RABGEF1: variants seen among roughly 807,000 people sequenced by gnomAD.
The protein encoded by RABGEF1 is rab5 GDP/GTP exchange factor.
RABGEF1 carries 26 observed loss-of-function variants against 57.3 expected under a neutral mutation model. That is an observed-to-expected ratio of 0.45 (90% CI 0.33 to 0.63). The LOEUF is 0.63. RABGEF1 is among the 20% of genes least tolerant of loss of function. The pLI is 0.02. For synonymous variants in RABGEF1, 185 were observed against 210.7 expected, an observed-to-expected ratio of 0.88 and a Z score of 1.06; for missense variants, 464 against 607.6, an observed-to-expected ratio of 0.76 and a Z score of 2.48.
chr7:66,804,266 A>G (rs761903272), intron 7 of RABGEF1, among the ~76,000 whole-genome samples: 46 of 152,250 alleles, frequency 3.0e-4, no homozygotes, highest in Non-Finnish European at 4.3e-4. Context: ...GTATTCTCAC[A>G]TTCAATACAA....
At chr7:66,778,098 C>T (rs1469234358) in intron 3 of RABGEF1, among the ~76,000 whole-genome samples, 1 of 152,068 alleles carries the variant, frequency 6.6e-6, no homozygotes, top group Non-Finnish European at 1.5e-5. Flanking sequence ...TTTTGTTTGG[C>T]CATTGTGTTT....
At chr7:66,673,332 G>A in the RABGEF1 span, among the ~76,000 whole-genome samples, 3 of 151,768 alleles carry the variant, frequency 2.0e-5, no homozygotes, top group Admixed American at 2.0e-4. Context: ...CTCAATCTGG[G>A]GTCGTTCCCC....
At chr7:66,703,304 ACCT>A (rs1793565625) in intron 1 of RABGEF1, among the ~76,000 whole-genome samples, 1 of 152,016 alleles carries the variant, frequency 6.6e-6, no homozygotes, top group East Asian at 1.9e-4. Flanking sequence ...ATGAAGTTCA[ACCT>A]ATCTATTTTT....
upstream of RABGEF1, among the ~76,000 whole-genome samples, chr7:66,680,762 T>C (rs1295133432): frequency 6.6e-6 from 1 of 151,842 alleles, no homozygotes; most frequent in Non-Finnish European, 1.5e-5. Context: ...GACTGGCCAA[T>C]ATGATGAAAC....
intron 1 of RABGEF1, among the ~76,000 whole-genome samples, chr7:66,705,649 C>T (rs1326405760): frequency 6.6e-6 from 1 of 151,782 alleles, no homozygotes; most frequent in African/African-American, 2.4e-5. Flanking sequence ...ATTATATCTA[C>T]CTTTTTTATG....
chr7:66,675,452 A>C, the RABGEF1 span, among the ~76,000 whole-genome samples: 1 of 152,046 alleles, frequency 6.6e-6, no homozygotes, highest in African/African-American at 2.4e-5. Flanking sequence ...ACAAACAAAA[A>C]AAACCCCAAA....
chr7:66,655,416 C>T, the RABGEF1 span, among the ~76,000 whole-genome samples: 1 of 152,138 alleles, frequency 6.6e-6, no homozygotes, highest in African/African-American at 2.4e-5. Context: ...CCCGTGGACT[C>T]GTTTTGCCTT....
intron 1 of RABGEF1, among the ~76,000 whole-genome samples, chr7:66,741,359 G>T (rs1262317654): frequency 6.6e-6 from 1 of 152,168 alleles, no homozygotes; most frequent in Non-Finnish European, 1.5e-5. Context: ...CTTCCACCCC[G>T]TGGCTGAGGG....
chr7:66,672,121 TAAAAAATA>T, the RABGEF1 span, among the ~76,000 whole-genome samples: 1 of 151,022 alleles, frequency 6.6e-6, no homozygotes, highest in South Asian at 2.1e-4. Flanking sequence ...CTCTGTCTGT[TAAAAAATA>T]AAAAAAAACC....
chr7:66,807,306 G>A (rs1158961138), intron 8 of RABGEF1, among the ~76,000 whole-genome samples: 4 of 152,156 alleles, frequency 2.6e-5, no homozygotes, highest in African/African-American at 7.2e-5. Flanking sequence ...TCCAGCTGAC[G>A]AACCCCACGG....
intron 2 of RABGEF1, among the ~76,000 whole-genome samples, chr7:66,734,384 C>G (rs556857496): frequency 6.6e-6 from 1 of 152,294 alleles, no homozygotes; most frequent in South Asian, 2.1e-4. Flanking sequence ...GATGCTCACC[C>G]TCTTTGAGCC....
Position 66,730,063 on chromosome 7 carries a change from C to A in RABGEF1, c.-814-9933C>A, listed in dbSNP as rs145645266. Among the ~76,000 whole-genome samples the A allele has an allele frequency of 2.1e-3, 317 of 152,368 alleles. 2 individuals carry two copies. Among genetic ancestry groups the A allele is most frequent in the African/African-American group, 7.4e-3 (308 of 41,586 alleles). On this transcript the variant is annotated intron_variant and NMD_transcript_variant, in intron 2 of 9. Transcript: ENST00000607882. Reference sequence around the variant, plus strand: ...CAGTGTTTCAGCTGTGCCATAGACTCAGGGTGGCCTCCAAAAGTCACTGCC... The same window carrying A: ...CAGTGTTTCAGCTGTGCCATAGACTAAGGGTGGCCTCCAAAAGTCACTGCC...
the RABGEF1 span, among the ~76,000 whole-genome samples, chr7:66,673,293 C>T: frequency 3.1e-4 from 47 of 151,740 alleles, no homozygotes; most frequent in East Asian, 8.9e-3. Context: ...TTATGTATCC[C>T]TAGCATCCAC....
At chr7:66,724,081 A>AT (rs550103593) in intron 2 of RABGEF1, among the ~76,000 whole-genome samples, 8 of 149,474 alleles carry the variant, frequency 5.4e-5, no homozygotes, top group Admixed American at 1.3e-4. Context: ...TTCTTAAGAA[A>AT]TTTTTTTTTT....
intron 1 of RABGEF1, among the ~76,000 whole-genome samples, chr7:66,706,027 C>T (rs930598007): frequency 2.7e-5 from 4 of 150,440 alleles, no homozygotes; most frequent in Non-Finnish European, 5.9e-5. Context: ...CTCAGCCTCC[C>T]GAGTAGCTGG....
intron 4 of RABGEF1, among the ~76,000 whole-genome samples, chr7:66,788,657 T>A (rs996304108): frequency 6.6e-6 from 1 of 152,212 alleles, no homozygotes; most frequent in Non-Finnish European, 1.5e-5. Flanking sequence ...GCTTGTTTCA[T>A]TGTTATTTTT....
chr7:66,756,417 T>C (rs1802729056), intron 1 of RABGEF1, among the ~76,000 whole-genome samples: 1 of 152,210 alleles, frequency 6.6e-6, no homozygotes, highest in African/African-American at 2.4e-5. Flanking sequence ...GGCATTCCGT[T>C]TCTGTTTCTA....
chr7:66,672,536 G>T, the RABGEF1 span, among the ~76,000 whole-genome samples: 1 of 152,192 alleles, frequency 6.6e-6, no homozygotes, highest in African/African-American at 2.4e-5. Context: ...TTCCATGTTT[G>T]TGAAATGAGA....
At chr7:66,659,876 C>A in the RABGEF1 span, among the ~76,000 whole-genome samples, 2 of 151,620 alleles carry the variant, frequency 1.3e-5, no homozygotes, top group Non-Finnish European at 2.9e-5. Context: ...AAGAACTAAA[C>A]CCAAGCTAGC....
Sources: gnomAD v4.1 joint callset for allele counts (sites outside exome capture counted in the v4.1 genomes callset) on GRCh38, gnomAD v4.1.1 for gene constraint, MANE v1.5 for transcripts, NCBI Gene and HGNC (gene_info 2026-07-23, HGNC 2026-07-21) for gene names.